The following MAP3K14 variants were observed in gnomAD, a reference collection of about 807,000 sequenced individuals.
MAP3K14 encodes the protein mitogen-activated protein kinase kinase kinase 14.
Under a neutral mutation model 99.2 loss-of-function variants are expected in MAP3K14, and 16 were observed. The ratio of observed to expected loss-of-function variants is 0.16; its 90% confidence interval spans 0.11 to 0.24. The LOEUF is 0.24. Ranked by LOEUF, MAP3K14 falls within the 10% of genes least tolerant of loss-of-function variation. The pLI, the probability that MAP3K14 is intolerant of heterozygous loss-of-function variation, is 1.00. For missense variants in MAP3K14, 784 were observed against 1,208.7 expected (o/e 0.65, Z 5.21); for synonymous variants, 462 against 492.4 (o/e 0.94, Z 0.82).
At chr17:45,309,167 T>G (rs1043176858) in intron 1 of MAP3K14, among the ~76,000 whole-genome samples, 1 of 152,204 alleles carries the variant, frequency 6.6e-6, no homozygotes, top group African/African-American at 2.4e-5. Context: ...GAAAATGCAC[T>G]TCTTTCCCCC....
chr17:45,265,183 C>T lies in MAP3K14; in HGVS notation c.2659G>A (p.Ala887Thr). 6.2e-7 allele frequency: 1 copy of T among 1,613,684 alleles called. No homozygotes were observed. Residue 887 changes from alanine (A) to threonine (T), a missense_variant, in exon 15 of 16, where the codon GCC (alanine) becomes ACC (threonine). By Grantham distance (58) the Ala-to-Thr change is moderately conservative. Coordinates refer to ENST00000344686, the MANE Select transcript of MAP3K14 (RefSeq NM_003954.5). Reference protein sequence around the residue: ...EFHRVKVGDIATGISSQIPAA... With the variant: ...EFHRVKVGDITTGISSQIPAA... ...CTTACCTGGCTGCTGATGCCAGTGGCGATGTCTCCCACTTTGACCCGGTGG... is the reference window on the plus strand; with the variant it reads ...CTTACCTGGCTGCTGATGCCAGTGGTGATGTCTCCCACTTTGACCCGGTGG...
In MAP3K14 at chr17:45,271,166, C is replaced by G. The variant is rs779242638; in HGVS notation, c.1713G>C (p.Arg571Ser). 3.7e-6 allele frequency: 6 copies of G among 1,613,498 alleles called. No individual in the cohort carries two copies. The African/African-American group carries it at 8.0e-5, about 22-fold the overall frequency. The change falls in exon 10 of 16, where the codon AGG becomes AGC. Residue 571 changes from arginine to serine, a missense_variant. Physicochemically the swap from Arg to Ser is moderately radical, Grantham distance 110 (BLOSUM62 -1). Coordinates refer to ENST00000344686, the MANE Select transcript of MAP3K14 (RefSeq NM_003954.5). ...AGACATCCACCTTGGCGTCGCAGCT[C>G]CTGCCCAGCACCACCTCCGGAGCCA... ...THMAPEVVLG[R>S]SCDAKVDVWS...
intron 5 of MAP3K14, 60 bp from the exon 6 acceptor site, chr17:45,285,009 G>C (rs1276773962): frequency 6.6e-7 from 1 of 1,516,230 alleles, no homozygotes; most frequent in Non-Finnish European, 8.9e-7. Context: ...GGGCTACAGG[G>C]CTACAGTGAG....
intron 1 of MAP3K14, among the ~76,000 whole-genome samples, chr17:45,303,996 ATTTCT>A (rs1227159359): frequency 2.9e-5 from 4 of 137,172 alleles, no homozygotes; most frequent in Admixed American, 7.2e-5. Context: ...ATTTAGATTT[ATTTCT>A]TTTCTTTTCT....
chr17:45,307,479 C>T (rs893670427), intron 1 of MAP3K14, among the ~76,000 whole-genome samples: 5 of 152,042 alleles, frequency 3.3e-5, no homozygotes, highest in Admixed American at 6.6e-5. Flanking sequence ...TGACTCAAAA[C>T]GTACTTTGTG....
intron 1 of MAP3K14, 196 bp from the exon 2 acceptor site, chr17:45,290,961 G>A (rs773021784): frequency 1.9e-5 from 11 of 566,086 alleles, no homozygotes; most frequent in African/African-American, 7.5e-5. Context: ...CGTTCCACAC[G>A]GCACAGTCCC....
intron 6 of MAP3K14, among the ~76,000 whole-genome samples, chr17:45,282,932 C>T (rs1189992513): frequency 6.6e-6 from 1 of 152,252 alleles, no homozygotes; most frequent in Non-Finnish European, 1.5e-5. Context: ...GCCATCCCCA[C>T]TGCATTCTCC....
In MAP3K14 at chr17:45,286,310, A is replaced by G; in HGVS notation, c.1152+121T>C. 8.3e-7 allele frequency: 1 copy of G among 1,209,424 alleles called. No individual in the cohort carries two copies. The highest frequency in any genetic ancestry group is 1.1e-6 in the Non-Finnish European group (1 of 881,570). The allele number at this position is 1,209,424 out of a possible 1,614,324, so 74.9% of individuals were successfully genotyped here. A position where few individuals can be genotyped will look rare whatever the true frequency, so the allele number is the denominator to read the frequency against. On this transcript the variant is annotated intron_variant, in intron 5 of 15. Transcript: ENST00000344686. The surrounding 1 kb of genome is among the most constrained non-coding windows in gnomAD (Gnocchi z 4.1). The stretch of plus-strand genomic sequence containing the variant: ...ATAAGAGATGATACTTTTCATCCAC[A>G]ATGAGCACTGTCCTACTGTTTGATT...
intron 9 of MAP3K14, 42 bp from the exon 10 acceptor site, chr17:45,271,263 T>C (rs762679399): frequency 8.9e-6 from 14 of 1,570,180 alleles, no homozygotes; most frequent in South Asian, 1.2e-5. Context: ...GGAATGCTGA[T>C]GGGCAGGAGC....
At chr17:45,265,288 C>G (rs1295415093) in intron 14 of MAP3K14, 25 bp from the exon 15 acceptor site, 3 of 1,522,900 alleles carry the variant, frequency 2.0e-6, no homozygotes, top group Admixed American at 3.3e-5. Context: ...AGGTGATAGT[C>G]AGGAGAGCGG....
intron 10 of MAP3K14, 23 bp downstream of exon 10, chr17:45,271,035 C>T (rs1243060379): frequency 1.9e-6 from 3 of 1,607,464 alleles, no homozygotes; most frequent in African/African-American, 1.3e-5. Context: ...CCCCTGTTGG[C>T]CATGCTGGGT....
At position 45,290,710 on chromosome 17, in the gene MAP3K14, A is replaced by T. The variant is rs1598258046; in HGVS notation, c.36T>A (p.Pro12=). The T allele has an allele frequency of 6.2e-7, 1 of 1,613,396 alleles. No individual in the cohort carries two copies. The highest frequency in any genetic ancestry group is 8.5e-7 in the Non-Finnish European group (1 of 1,179,762). The change falls in exon 2 of 16, where the codon CCT becomes CCA. Residue 12 remains proline, a synonymous_variant. Transcript: ENST00000344686. The stretch of plus-strand genomic sequence containing the variant: ...CCTTCTGCTGCCCCACTGCTGAGCC[A>T]GGGGCACCTGGGCAGGCCATTTCCA... ...AVMEMACPGA[P]GSAVGQQKEL...
intron 1 of MAP3K14, among the ~76,000 whole-genome samples, chr17:45,299,918 T>C (rs1209787631): frequency 6.6e-6 from 1 of 151,664 alleles, no homozygotes; most frequent in Non-Finnish European, 1.5e-5. Context: ...AGTGAAACCC[T>C]GTCTCTACTA....
chr17:45,291,645 CT>C (rs763465283), intron 1 of MAP3K14, among the ~76,000 whole-genome samples: 6 of 152,240 alleles, frequency 3.9e-5, no homozygotes, highest in Non-Finnish European at 5.9e-5. Flanking sequence ...TGCAAACAGC[CT>C]GCAGACTGGA....
Position 45,273,570 on chromosome 17 carries a change from T to A in MAP3K14, c.1590A>T (p.Ala530=), listed in dbSNP as rs1205668710. The A allele has an allele frequency of 6.2e-7, 1 of 1,613,476 alleles. No individual in the cohort carries two copies. Among genetic ancestry groups the A allele is most frequent in the South Asian group, 1.1e-5 (1 of 90,944 alleles). The change falls in exon 9 of 16, where the codon GCA becomes GCT. Residue 530 remains alanine (A), a synonymous_variant. Coordinates refer to ENST00000344686, the MANE Select transcript of MAP3K14 (RefSeq NM_003954.5). The part of the protein sequence containing the change: ...NVLLSSDGSH[A]ALCDFGHAVC... ...CAGCATGGCCAAAGTCACAGAGGGCTGCGTGGCTCCCATCGCTGGACAGGA... is the reference window on the plus strand; with the variant it reads ...CAGCATGGCCAAAGTCACAGAGGGCAGCGTGGCTCCCATCGCTGGACAGGA...
intron 8 of MAP3K14, 89 bp from the exon 9 acceptor site, chr17:45,273,696 A>G (rs1002400302): frequency 9.3e-6 from 9 of 972,848 alleles, no homozygotes; most frequent in Non-Finnish European, 1.5e-5. Flanking sequence ...CCCTCCAGTG[A>G]TGTAATTTTC....
chr17:45,289,452 A>G lies in MAP3K14; in HGVS notation c.257-147T>C, dbSNP rs571429986. 5.5e-4 allele frequency: 354 copies of G among 648,728 alleles called. 6 individuals carry two copies. In the South Asian group the frequency reaches 5.6e-3, roughly 10 times the overall value. The allele number at this position is 648,728 out of a possible 1,614,324, so 40.2% of individuals were successfully genotyped here. A position where few individuals can be genotyped will look rare whatever the true frequency, so the allele number is the denominator to read the frequency against. On this transcript the variant is annotated intron_variant, in intron 2 of 15. Transcript: ENST00000344686. ...CTGTCTGGCAGTCACCTCCCCACCA[A>G]TGCCTCCTTCCCGCACTGTCTCTCC...
intron 6 of MAP3K14, among the ~76,000 whole-genome samples, chr17:45,282,728 A>G (rs2044233130): frequency 6.6e-6 from 1 of 152,058 alleles, no homozygotes; most frequent in African/African-American, 2.4e-5. Flanking sequence ...AAGGAGCATC[A>G]GGGGGGCACA....
chr17:45,265,382 G>T, intron 14 of MAP3K14, 119 bp from the exon 15 acceptor site: 1 of 699,450 alleles, frequency 1.4e-6, no homozygotes, highest in African/African-American at 1.7e-5. Context: ...TGTAGGGGGA[G>T]CAGGTCTGGC....
Sources: allele counts gnomAD v4.1 joint callset (sites outside exome capture counted in the v4.1 genomes callset), GRCh38; gene constraint gnomAD v4.1.1; non-coding constraint Gnocchi (gnomAD v3.1); transcripts MANE v1.5; gene names NCBI Gene and HGNC (gene_info 2026-07-23, HGNC 2026-07-21).